Variants in GREB1L observed in about 807,000 individuals in gnomAD.
GREB1L encodes the protein GREB1-like protein.
Under a neutral mutation model 200.8 loss-of-function variants are expected in GREB1L, and 17 were observed. That is an observed-to-expected ratio of 0.08 (90% CI 0.06 to 0.13). The LOEUF (loss-of-function observed/expected upper bound fraction) is 0.13, where lower values mean the gene tolerates loss of function less well. Among genes scored for constraint, GREB1L ranks in the 10% least tolerant of loss-of-function variants. The pLI is 1.00. For missense variants in GREB1L, 1,657 were observed against 2,367.7 expected, an observed-to-expected ratio of 0.70 and a Z score of 6.23; for synonymous variants, 789 against 893.0, an observed-to-expected ratio of 0.88 and a Z score of 2.08.
intron 1 of GREB1L, among the ~76,000 whole-genome samples, chr18:21,277,212 G>A (rs1391268713): frequency 6.6e-6 from 1 of 152,144 alleles, no homozygotes; most frequent in Non-Finnish European, 1.5e-5. Flanking sequence ...ACAGGCGTGA[G>A]CCACCGTGCC....
intron 27 of GREB1L, 64 bp downstream of exon 27, chr18:21,508,655 C>T: frequency 7.4e-7 from 1 of 1,343,390 alleles, no homozygotes; most frequent in Non-Finnish European, 1.0e-6. Context: ...ATTCCCCTGG[C>T]ATGAAACTTT....
chr18:21,426,704 A>G (rs374881856), intron 7 of GREB1L, among the ~76,000 whole-genome samples: 1 of 152,072 alleles, frequency 6.6e-6, no homozygotes, highest in South Asian at 2.1e-4. Flanking sequence ...CACGCCTGTA[A>G]TCCCAGCATG....
chr18:21,508,491 C>A lies in GREB1L; in HGVS notation c.4635C>A (p.His1545Gln). The A allele has an allele frequency of 6.4e-7, 1 of 1,551,752 alleles. No homozygotes were observed. The highest frequency in any genetic ancestry group is 8.7e-7 in the Non-Finnish European group (1 of 1,146,990). The change falls in exon 27 of 33, where the codon CAC becomes CAA. Residue 1545 changes from histidine to glutamine, a missense_variant. Around this residue, in one of 9 missense-constraint regions of GREB1L, gnomAD observed 151 missense variants for 309.6 expected, o/e 0.49. Transcript: ENST00000424526. The part of the protein sequence containing the change: ...FHAMEGISHL[H>Q]LLVVKEYEMP... ...CCATGGAGGGCATCAGCCACCTTCACCTCCTGGTGGTCAAAGAGTATGAGA... is the reference window on the plus strand; with the variant it reads ...CCATGGAGGGCATCAGCCACCTTCAACTCCTGGTGGTCAAAGAGTATGAGA...
intron 2 of GREB1L, chr18:21,380,244 A>G (rs1317193233): frequency 6.6e-6 from 1 of 152,272 alleles, no homozygotes; most frequent in African/African-American, 2.4e-5. Context: ...AGGGGCACCA[A>G]AATCTTCTGC....
chr18:21,311,548 G>A (rs1426649041), intron 1 of GREB1L, among the ~76,000 whole-genome samples: 2 of 152,102 alleles, frequency 1.3e-5, no homozygotes, highest in Non-Finnish European at 2.9e-5. Flanking sequence ...GCCCTAAGCG[G>A]CACCCGTCCA....
At chr18:21,501,361 C>T (rs534029028) in intron 23 of GREB1L, among the ~76,000 whole-genome samples, 8 of 151,974 alleles carry the variant, frequency 5.3e-5, no homozygotes, top group African/African-American at 9.7e-5. Context: ...CCGTCATCTA[C>T]GTTTTAAGCC....
chr18:21,494,110 C>T (rs1197785698), intron 19 of GREB1L, among the ~76,000 whole-genome samples: 2 of 151,948 alleles, frequency 1.3e-5, no homozygotes, highest in African/African-American at 2.4e-5. Flanking sequence ...TGTTATGGTT[C>T]CCCCTGACAT....
intron 23 of GREB1L, among the ~76,000 whole-genome samples, chr18:21,501,023 C>T (rs886173222): frequency 7.2e-6 from 1 of 139,458 alleles, no homozygotes; most frequent in Non-Finnish European, 1.5e-5. Context: ...GCCAAGATCA[C>T]ATCACTATAC....
At chr18:21,459,590 A>C (rs2034945296) in intron 15 of GREB1L, among the ~76,000 whole-genome samples, 1 of 152,058 alleles carries the variant, frequency 6.6e-6, no homozygotes, top group African/African-American at 2.4e-5. Context: ...CATGGCCGGC[A>C]TTCTCAGTTT....
intron 11 of GREB1L, among the ~76,000 whole-genome samples, chr18:21,448,194 G>A (rs1179191594): frequency 1.3e-5 from 2 of 148,806 alleles, no homozygotes; most frequent in Non-Finnish European, 1.5e-5. Context: ...CAGCATAGAA[G>A]AAACACAGAC....
chr18:21,347,130 T>A (rs754973492), intron 1 of GREB1L, among the ~76,000 whole-genome samples: 1 of 151,858 alleles, frequency 6.6e-6, no homozygotes, highest in Non-Finnish European at 1.5e-5. Flanking sequence ...ATATAAAAAT[T>A]AGCTGGGCGT....
intron 10 of GREB1L, among the ~76,000 whole-genome samples, chr18:21,443,240 T>C (rs751469321): frequency 1.4e-4 from 21 of 151,746 alleles, no homozygotes; most frequent in Non-Finnish European, 3.1e-4. Flanking sequence ...TCTCTCTCTG[T>C]GGCTCAGGCG....
chr18:21,291,368 G>A lies in GREB1L; in HGVS notation c.-120+48975G>A, dbSNP rs545488930. 1.1e-4 allele frequency among the ~76,000 whole-genome samples: 16 copies of A among 152,192 alleles called. No homozygotes were observed. The East Asian group carries it at 2.1e-3, about 20-fold the overall frequency. Reference sequence around the variant, plus strand: ...TCTTTGTTAAAGCCTTCCCTGACTCGCTATCTACCCTTCACTCACTATCCA... The same window carrying A: ...TCTTTGTTAAAGCCTTCCCTGACTCACTATCTACCCTTCACTCACTATCCA... On this transcript the variant is annotated intron_variant, in intron 1 of 32. Coordinates refer to ENST00000424526, the MANE Select transcript of GREB1L (RefSeq NM_001142966.3).
intron 1 of GREB1L, among the ~76,000 whole-genome samples, chr18:21,326,101 T>C (rs2039018813): frequency 6.6e-6 from 1 of 152,170 alleles, no homozygotes; most frequent in African/African-American, 2.4e-5. Flanking sequence ...ATGATGGTAC[T>C]TTCATACTGT....
chr18:21,364,195 A>G (rs2039623572), intron 1 of GREB1L, among the ~76,000 whole-genome samples: 1 of 152,176 alleles, frequency 6.6e-6, no homozygotes, highest in African/African-American at 2.4e-5. Flanking sequence ...TTGTAGAGGA[A>G]TTCTGAAAAT....
chr18:21,282,548 A>G (rs529567660), intron 1 of GREB1L, among the ~76,000 whole-genome samples: 1 of 152,210 alleles, frequency 6.6e-6, no homozygotes, highest in African/African-American at 2.4e-5. Context: ...TATGCTACAT[A>G]GTTATTGTTG....
chr18:21,443,451 C>G (rs956042502), intron 10 of GREB1L, among the ~76,000 whole-genome samples: 1 of 152,214 alleles, frequency 6.6e-6, no homozygotes, highest in African/African-American at 2.4e-5. Flanking sequence ...AGGTGATCCA[C>G]CCGCCTGGGC....
At chr18:21,401,450 CAAAATTTA>C in intron 6 of GREB1L, 124 bp downstream of exon 6, 2 of 772,736 alleles carry the variant, frequency 2.6e-6, no homozygotes, top group South Asian at 4.9e-5. Flanking sequence ...AAGGATATCC[CAAAATTTA>C]AAGCCTTCTG....
intron 1 of GREB1L, among the ~76,000 whole-genome samples, chr18:21,327,727 G>A (rs1273924311): frequency 6.6e-6 from 1 of 150,910 alleles, no homozygotes; most frequent in African/African-American, 2.4e-5. Context: ...TGGGGAGGTG[G>A]GGGGCACGGA....
Sources: gnomAD v4.1 joint callset for allele counts (sites outside exome capture counted in the v4.1 genomes callset) on GRCh38, gnomAD v4.1.1 for gene constraint, gnomAD v4.1.1 regional missense constraint, MANE v1.5 for transcripts, NCBI Gene and HGNC (gene_info 2026-07-23, HGNC 2026-07-21) for gene names.